The following SETD3 variants were observed in gnomAD, a reference collection of about 807,000 sequenced individuals.
SETD3 encodes the protein SET domain containing 3, actin N3(tau)-histidine methyltransferase, also known as actin-histidine N-methyltransferase.
In SETD3, 19 loss-of-function variants were observed where a neutral mutation model predicts 63.0. That is an observed-to-expected ratio of 0.30 (90% CI 0.21 to 0.44). SETD3 has a LOEUF of 0.44. SETD3 is among the 20% of genes least tolerant of loss of function. The probability of loss-of-function intolerance (pLI) is 1.00; values close to 1 mark genes in which losing one functional copy is unlikely to be tolerated. For missense variants in SETD3, 587 were observed against 728.5 expected (o/e 0.81, Z 2.24); for synonymous variants, 286 against 264.1 (o/e 1.08, Z -0.80).
At chr14:99,459,318 T>C in intron 4 of SETD3, 133 bp from the exon 5 acceptor site, 1 of 508,060 alleles carries the variant, frequency 2.0e-6, no homozygotes, top group South Asian at 3.6e-5. Context: ...CAAATAAATA[T>C]TCAAATACAT....
chr14:99,480,115 C>T (rs1054310428), intron 1 of SETD3, among the ~76,000 whole-genome samples: 1 of 152,254 alleles, frequency 6.6e-6, no homozygotes, highest in Admixed American at 6.5e-5. Flanking sequence ...CGACCTATTT[C>T]CTACGTCCGT....
intron 4 of SETD3, among the ~76,000 whole-genome samples, chr14:99,460,264 C>A (rs902538089): frequency 1.3e-5 from 2 of 152,186 alleles, no homozygotes; most frequent in African/African-American, 4.8e-5. Flanking sequence ...AGGTTAACTA[C>A]AACTTAGCCA....
chr14:99,407,547 T>A (rs1017485671), intron 8 of SETD3, among the ~76,000 whole-genome samples: 6 of 152,170 alleles, frequency 3.9e-5, no homozygotes, highest in African/African-American at 1.4e-4. Flanking sequence ...AATCTTCCTA[T>A]GATTCCGCTC....
intron 6 of SETD3, among the ~76,000 whole-genome samples, chr14:99,429,744 C>T (rs1416345956): frequency 2.6e-5 from 4 of 152,162 alleles, no homozygotes; most frequent in Non-Finnish European, 4.4e-5. Context: ...TGCCTCAACA[C>T]CAGGAGTCTT....
chr14:99,483,881 A>C (rs1345982819), upstream of SETD3, among the ~76,000 whole-genome samples: 4 of 152,236 alleles, frequency 2.6e-5, no homozygotes, highest in Admixed American at 2.6e-4. Context: ...TAAATAGATA[A>C]GCAGCGTGAT....
chr14:99,471,320 T>C (rs946523857), intron 1 of SETD3, among the ~76,000 whole-genome samples: 2 of 152,234 alleles, frequency 1.3e-5, no homozygotes, highest in African/African-American at 4.8e-5. Context: ...GTAGTCAAAA[T>C]GAAACATTTA....
chr14:99,415,050 T>G (rs1892217410), intron 6 of SETD3, among the ~76,000 whole-genome samples: 1 of 152,212 alleles, frequency 6.6e-6, no homozygotes, highest in Admixed American at 6.5e-5. Context: ...AAGCTTGTGC[T>G]CAGTGCGCAA....
intron 6 of SETD3, among the ~76,000 whole-genome samples, chr14:99,455,452 T>C (rs560861247): frequency 1.3e-5 from 2 of 152,370 alleles, no homozygotes; most frequent in African/African-American, 2.4e-5. Flanking sequence ...TCTCTAAACC[T>C]GGTCTTTTAT....
chr14:99,474,312 G>T (rs1393986516), intron 1 of SETD3, among the ~76,000 whole-genome samples: 1 of 150,680 alleles, frequency 6.6e-6, no homozygotes, highest in Non-Finnish European at 1.5e-5. Flanking sequence ...GCGACAGAGT[G>T]AGACTCTGTT....
intron 6 of SETD3, 99 bp downstream of exon 6, chr14:99,458,180 G>A (rs1894865732): frequency 2.3e-6 from 3 of 1,318,042 alleles, no homozygotes; most frequent in Non-Finnish European, 3.1e-6. Context: ...AAATGTTTAA[G>A]TATCCTTAAT....
At chr14:99,456,391 TA>T (rs1457043993) in intron 6 of SETD3, among the ~76,000 whole-genome samples, 10 of 152,252 alleles carry the variant, frequency 6.6e-5, no homozygotes, top group Admixed American at 6.5e-4. Flanking sequence ...CGTCGTTGAC[TA>T]AATTTTTTAG....
chr14:99,479,899 G>T (rs896497866), intron 1 of SETD3, among the ~76,000 whole-genome samples: 1 of 152,232 alleles, frequency 6.6e-6, no homozygotes, highest in Non-Finnish European at 1.5e-5. Flanking sequence ...GCCGGGCAGG[G>T]GTGAGCCCCG....
chr14:99,448,400 C>T (rs1566718038), intron 6 of SETD3, among the ~76,000 whole-genome samples: 2 of 152,136 alleles, frequency 1.3e-5, no homozygotes, highest in South Asian at 2.1e-4. Flanking sequence ...TCTGCAGCCA[C>T]GGGTTTCCTA....
At chr14:99,442,373 T>A (rs560359308) in intron 6 of SETD3, among the ~76,000 whole-genome samples, 72 of 152,320 alleles carry the variant, frequency 4.7e-4, no homozygotes, top group African/African-American at 1.7e-3. Flanking sequence ...TAGATGAGAA[T>A]GAAGGAAAGT....
At chr14:99,451,217 AC>A in intron 6 of SETD3, among the ~76,000 whole-genome samples, 2 of 152,352 alleles carry the variant, frequency 1.3e-5, no homozygotes, top group Admixed American at 1.3e-4. Context: ...GTCTCAACTT[AC>A]AGCTGAACTT....
chr14:99,408,492 T>C (rs995171186), intron 8 of SETD3, among the ~76,000 whole-genome samples: 1 of 151,784 alleles, frequency 6.6e-6, no homozygotes, highest in Non-Finnish European at 1.5e-5. Flanking sequence ...CCCAGGGTGC[T>C]GGCAGTACAG....
At chr14:99,408,685 A>C (rs1891813084) in intron 8 of SETD3, among the ~76,000 whole-genome samples, 1 of 152,238 alleles carries the variant, frequency 6.6e-6, no homozygotes, top group Admixed American at 6.5e-5. Context: ...GGACAGGCAA[A>C]CAGGCTGGGA....
At chr14:99,480,479 G>A (rs906685300) in intron 1 of SETD3, among the ~76,000 whole-genome samples, 2 of 151,208 alleles carry the variant, frequency 1.3e-5, no homozygotes, top group African/African-American at 4.8e-5. Context: ...CGCCCCGCAG[G>A]GCGCCCGGGC....
At position 99,458,400 on chromosome 14, in the gene SETD3, G is replaced by A. The variant is rs1268218128; in HGVS notation, c.554C>T (p.Thr185Ile). ...TTCATCTTCTTCAAAGTAGAGAGGAGTGTCATATTCACTGGGGAGGGTTTG... is the reference window on the plus strand; with the variant it reads ...TTCATCTTCTTCAAAGTAGAGAGGAATGTCATATTCACTGGGGAGGGTTTG... Reference protein sequence around the residue: ...YIQTLPSEYDTPLYFEEDEVR... With the variant: ...YIQTLPSEYDIPLYFEEDEVR... The change falls in exon 6 of 13, where the codon ACT becomes ATT. Residue 185 changes from threonine (T) to isoleucine (I), a missense_variant. Thr to Ile is a moderately conservative substitution (Grantham distance 89). Transcript: ENST00000331768. The A allele has an allele frequency of 1.2e-6, 2 of 1,614,030 alleles. No homozygotes were observed. The highest frequency in any genetic ancestry group is 1.7e-6 in the Non-Finnish European group (2 of 1,180,032).
Sources: gnomAD v4.1 joint callset for allele counts (sites outside exome capture counted in the v4.1 genomes callset) on GRCh38, gnomAD v4.1.1 for gene constraint, MANE v1.5 for transcripts, NCBI Gene and HGNC (gene_info 2026-07-23, HGNC 2026-07-21) for gene names.